The following MKNK2 variants were observed in gnomAD, a reference collection of about 807,000 sequenced individuals.
The protein encoded by MKNK2 is MAP kinase-interacting serine/threonine-protein kinase 2.
A neutral mutation model predicts 55.0 loss-of-function variants in MKNK2; 54 were observed. That is an observed-to-expected ratio of 0.98 (90% confidence interval 0.79 to 1.23). The LOEUF is 1.23. Ranked by LOEUF, MKNK2 falls within the 50% of genes most tolerant of loss-of-function variation. MKNK2 has a pLI of 0.00. For synonymous variants in MKNK2, 323 were observed against 256.0 expected, an observed-to-expected ratio of 1.26 and a Z score of -2.50; for missense variants, 685 against 632.1, an observed-to-expected ratio of 1.08 and a Z score of -0.90.
chr19:2,038,614 C>T lies in MKNK2; in HGVS notation c.*999G>A. The T allele has an allele frequency of 1.0e-6, 1 of 985,354 alleles. No individual in the cohort carries two copies. Among genetic ancestry groups the T allele is most frequent in the South Asian group, 4.7e-5 (1 of 21,294 alleles). 61.0% of individuals were successfully genotyped at this position (985,354 alleles called of 1,614,324 possible). A position where few individuals can be genotyped will look rare whatever the true frequency, so the allele number is the denominator to read the frequency against. ...TCGGCCAGACCCCGGGGTCTGGGCTCAGCTCTAAGGACAAGGACGGAGCTG... is the reference window on the plus strand; with the variant it reads ...TCGGCCAGACCCCGGGGTCTGGGCTTAGCTCTAAGGACAAGGACGGAGCTG... On this transcript the variant is annotated 3_prime_UTR_variant, in exon 14 of 14. Transcript: ENST00000250896.
At chr19:2,040,285 C>G in intron 12 of MKNK2, 108 bp from the exon 13 acceptor site, 1 of 1,010,826 alleles carries the variant, frequency 9.9e-7, no homozygotes, top group Non-Finnish European at 1.4e-6. Context: ...TCACCAGGAC[C>G]CCACCGGAGA....
chr19:2,039,984 G>C (rs2016840857), intron 13 of MKNK2, 128 bp from the exon 14 acceptor site: 3 of 1,403,844 alleles, frequency 2.1e-6, no homozygotes, highest in Middle Eastern at 1.8e-4. Context: ...GCTCCTCTGA[G>C]CACCAGGGCC....
At chr19:2,047,974 GCCC>G (rs979161622) in intron 2 of MKNK2, among the ~76,000 whole-genome samples, 2 of 151,994 alleles carry the variant, frequency 1.3e-5, no homozygotes, top group Non-Finnish European at 2.9e-5. Flanking sequence ...TCTGCTTCCA[GCCC>G]CCCAACCCCG....
At chr19:2,046,337 G>A in intron 4 of MKNK2, 30 bp downstream of exon 4, 1 of 1,604,346 alleles carries the variant, frequency 6.2e-7, no homozygotes, top group Non-Finnish European at 8.5e-7. Context: ...CCCGCTCCCG[G>A]CTCCCCCAAT....
chr19:2,041,798 G>T, intron 11 of MKNK2, 42 bp downstream of exon 11: 1 of 1,459,502 alleles, frequency 6.9e-7, no homozygotes, highest in Non-Finnish European at 9.1e-7. Flanking sequence ...AGGCCCGGGG[G>T]AGGAGGGTGC....
chr19:2,041,936 G>A lies in MKNK2; in HGVS notation c.849C>T (p.Val283=). ...DKRCDLWSLG[V]ILYILLSGYP... is the part of the protein sequence containing the mutation. ...AGCCGCTGAGTAGGATATACAAGATGACGCCCAGGCTCCACAGGTCGCAGC... is the reference window on the plus strand; with the variant it reads ...AGCCGCTGAGTAGGATATACAAGATAACGCCCAGGCTCCACAGGTCGCAGC... Residue 283 remains valine, a synonymous_variant, in exon 11 of 14, where the codon GTC becomes GTT. Coordinates refer to ENST00000250896, the MANE Select transcript of MKNK2 (RefSeq NM_199054.3). 1 of 1,553,850 alleles carries A rather than the reference G, an allele frequency of 6.4e-7. No homozygotes were observed. The highest frequency in any genetic ancestry group is 8.7e-7 in the Non-Finnish European group (1 of 1,148,736).
chr19:2,050,269 C>A (rs972253300), intron 2 of MKNK2, among the ~76,000 whole-genome samples: 3 of 152,224 alleles, frequency 2.0e-5, no homozygotes, highest in African/African-American at 4.8e-5. Context: ...ATCCCCTCCC[C>A]CACGGCACAG....
chr19:2,038,998 G>A lies in MKNK2; in HGVS notation c.*615C>T, dbSNP rs956077988. ...ACTATCATGGGGACAAGGCAGGCGCGGGTGAAGGGCTGGGGGATCCCATGG... is the reference window on the plus strand; with the variant it reads ...ACTATCATGGGGACAAGGCAGGCGCAGGTGAAGGGCTGGGGGATCCCATGG... On this transcript the variant is annotated 3_prime_UTR_variant, in exon 14 of 14. Coordinates refer to ENST00000250896, the MANE Select transcript of MKNK2 (RefSeq NM_199054.3). The A allele has an allele frequency of 2.9e-5, 29 of 986,096 alleles. No individual in the cohort carries two copies. The highest frequency in any genetic ancestry group is 3.5e-5 in the African/African-American group (2 of 57,226). 61.1% of individuals were successfully genotyped at this position (986,096 alleles called of 1,614,324 possible). A position where few individuals can be genotyped will look rare whatever the true frequency, so the allele number is the denominator to read the frequency against.
In MKNK2 at chr19:2,039,538, G is replaced by C; in HGVS notation, c.*75C>G. 6.6e-7 allele frequency: 1 copy of C among 1,505,512 alleles called. No individual in the cohort carries two copies. Among genetic ancestry groups the C allele is most frequent in the South Asian group, 1.3e-5 (1 of 78,530 alleles). 93.3% of individuals were successfully genotyped at this position (1,505,512 alleles called of 1,614,324 possible). ...AGGAGGGGCAGCCCGCTGGACACCG[G>C]CTGGCGATAGCTTAAAAAACCTTTA... On this transcript the variant is annotated 3_prime_UTR_variant, in exon 14 of 14. Transcript: ENST00000250896.
rs1478150359 is a variant in MKNK2, at chr19:2,046,663, GAGA to G, written c.77_79del (p.Phe26del). On this transcript the variant is annotated inframe_deletion, in exon 3 of 14. Transcript: ENST00000250896. ...GTCTCCGTGGTCGGGCTGGTCTAGG[GAGA>G]AGGCCAGCTCGAAGGGGTTCTGCCC... is the stretch of plus-strand genomic sequence containing the variant. 6.5e-7 allele frequency: 1 copy of G among 1,549,524 alleles called. No individual in the cohort carries two copies. Among genetic ancestry groups the G allele is most frequent in the Admixed American group, 2.1e-5 (1 of 47,632 alleles).
Position 2,038,934 on chromosome 19 carries a change from G to GGACA in MKNK2, c.*675_*678dup. 1 of 985,950 alleles carries GGACA rather than the reference G, an allele frequency of 1.0e-6. No individual in the cohort carries two copies. Among genetic ancestry groups the GGACA allele is most frequent in the Non-Finnish European group, 1.2e-6 (1 of 830,044 alleles). The allele number at this position is 985,950 out of a possible 1,614,324, so 61.1% of individuals were successfully genotyped here. Reference sequence around the variant, plus strand: ...GCCGAATCTGGCCACCAGGAGTCCTGGACAGACAGACGGGCCTTGCAGGAA... The same window carrying GGACA: ...GCCGAATCTGGCCACCAGGAGTCCTGGACAGACAGACAGACGGGCCTTGCAGGAA... On this transcript the variant is annotated 3_prime_UTR_variant, in exon 14 of 14. Coordinates refer to ENST00000250896, the MANE Select transcript of MKNK2 (RefSeq NM_199054.3).
At chr19:2,047,531 TG>T (rs1410535508) in intron 2 of MKNK2, among the ~76,000 whole-genome samples, 2 of 152,030 alleles carry the variant, frequency 1.3e-5, no homozygotes, top group African/African-American at 4.8e-5. Context: ...GTCCACAGAA[TG>T]GGGACGGCTG....
chr19:2,042,982 T>C (rs1451592933), intron 7 of MKNK2, 112 bp from the exon 8 acceptor site: 8 of 1,343,150 alleles, frequency 6.0e-6, no homozygotes, highest in Non-Finnish European at 7.3e-6. Context: ...ACTGGCTTCC[T>C]CCAGCACAAA....
At chr19:2,042,333 C>A in intron 10 of MKNK2, 94 bp downstream of exon 10, 1 of 1,176,436 alleles carries the variant, frequency 8.5e-7, no homozygotes, top group Admixed American at 2.2e-5. Flanking sequence ...GCCCGAGCTC[C>A]GCGGCCTGGA....
intron 5 of MKNK2, among the ~76,000 whole-genome samples, chr19:2,045,975 G>A (rs537880298): frequency 1.3e-5 from 2 of 152,296 alleles, no homozygotes; most frequent in South Asian, 4.1e-4. Flanking sequence ...GGGACCCAAT[G>A]GGCACAGTGC....
Position 2,038,546 on chromosome 19 carries a change from C to T in MKNK2, c.*1067G>A, listed in dbSNP as rs1341342662. The T allele has an allele frequency of 7.1e-6, 7 of 985,540 alleles. No homozygotes were observed. The highest frequency in any genetic ancestry group is 8.4e-6 in the Non-Finnish European group (7 of 830,066). The allele number at this position is 985,540 out of a possible 1,614,324, so 61.0% of individuals were successfully genotyped here. A position where few individuals can be genotyped will look rare whatever the true frequency, so the allele number is the denominator to read the frequency against. ...GGGAGGCCGAGGCCGCAGCCGTTTT[C>T]CTGAAGGTGGCAGACCAAAAACACT... is the stretch of plus-strand genomic sequence containing the variant. On this transcript the variant is annotated 3_prime_UTR_variant, in exon 14 of 14. Coordinates refer to ENST00000250896, the MANE Select transcript of MKNK2 (RefSeq NM_199054.3).
At chr19:2,049,844 C>G (rs972735605) in intron 2 of MKNK2, among the ~76,000 whole-genome samples, 5 of 152,158 alleles carry the variant, frequency 3.3e-5, no homozygotes, top group Non-Finnish European at 5.9e-5. Context: ...CCTGGGAATT[C>G]TTCCCAGTCT....
intron 2 of MKNK2, among the ~76,000 whole-genome samples, chr19:2,049,102 C>T (rs1208753061): frequency 6.6e-6 from 1 of 152,228 alleles, no homozygotes; most frequent in Non-Finnish European, 1.5e-5. Flanking sequence ...GCCACAGCCT[C>T]CAACTCAGCA....
At chr19:2,041,718 C>G (rs541855141) in intron 11 of MKNK2, 122 bp downstream of exon 11, 3 of 772,268 alleles carry the variant, frequency 3.9e-6, no homozygotes, top group Admixed American at 6.3e-5. Context: ...AGGGGGTGGT[C>G]AGGGGGCAGG....
Sources: gnomAD v4.1 joint callset for allele counts (sites outside exome capture counted in the v4.1 genomes callset) on GRCh38, gnomAD v4.1.1 for gene constraint, MANE v1.5 for transcripts, NCBI Gene and HGNC (gene_info 2026-07-23, HGNC 2026-07-21) for gene names.